ZNF330: variants seen among roughly 807,000 people sequenced by gnomAD.
The protein encoded by ZNF330 is zinc finger protein 330.
In ZNF330, 31 loss-of-function variants were observed where a neutral mutation model predicts 45.5. That is an observed-to-expected ratio of 0.68 (90% CI 0.51 to 0.92). ZNF330 has a LOEUF of 0.92. Among genes scored for constraint, ZNF330 ranks in the 40% least tolerant of loss-of-function variants. ZNF330 has a pLI of 0.00. For missense variants in ZNF330, 356 were observed against 387.4 expected (o/e 0.92, Z 0.68); for synonymous variants, 138 against 123.2 (o/e 1.12, Z -0.79).
intron 1 of ZNF330, among the ~76,000 whole-genome samples, chr4:141,221,709 A>G (rs1456676423): frequency 1.3e-5 from 2 of 152,208 alleles, no homozygotes; most frequent in Non-Finnish European, 2.9e-5. Flanking sequence ...CTAAATGATG[A>G]AAATTAAACA....
intron 9 of ZNF330, 56 bp from the exon 10 acceptor site, chr4:141,233,658 TG>T: frequency 1.3e-6 from 2 of 1,507,986 alleles, no homozygotes; most frequent in South Asian, 1.4e-5. Context: ...TAGAGGAAGA[TG>T]AGAATGTAGA....
chr4:141,230,097 T>C, intron 6 of ZNF330, 69 bp from the exon 7 acceptor site: 1 of 1,097,710 alleles, frequency 9.1e-7, no homozygotes, highest in Non-Finnish European at 1.4e-6. Flanking sequence ...TTCTAAGCAG[T>C]ATTATAGATA....
At position 141,221,023 on chromosome 4, in the gene ZNF330, C is replaced by T. The variant is rs1162293975; in HGVS notation, c.-92C>T. 2 of 152,348 alleles carry T rather than the reference C, an allele frequency of 1.3e-5. No individual in the cohort carries two copies. The highest frequency in any genetic ancestry group is 2.4e-5 in the African/African-American group (1 of 41,470). 9.4% of individuals were successfully genotyped at this position (152,348 alleles called of 1,614,324 possible). On this transcript the variant is annotated 5_prime_UTR_variant, in exon 1 of 10. Transcript: ENST00000262990. ...GGATTTACTGCTGTCGCGGGTGGGCCTCACGCCATTCCCTGTCCCTCGGCC... is the reference window on the plus strand; with the variant it reads ...GGATTTACTGCTGTCGCGGGTGGGCTTCACGCCATTCCCTGTCCCTCGGCC...
chr4:141,222,492 G>A lies in ZNF330; in HGVS notation c.120+1G>A. On this transcript the variant is annotated splice_donor_variant, in intron 2 of 9. Transcript: ENST00000262990. LOFTEE classifies it high-confidence loss of function. ...TAAACATCCATGTAATGCCTCAATG[G>A]TATCAGCTTTTTTTGATATCAGTTG... 1 of 1,608,196 alleles carries A rather than the reference G, an allele frequency of 6.2e-7. No homozygotes were observed. Among genetic ancestry groups the A allele is most frequent in the Non-Finnish European group, 8.5e-7 (1 of 1,177,944 alleles).
At chr4:141,229,461 G>T in intron 5 of ZNF330, 110 bp from the exon 6 acceptor site, 1 of 1,390,132 alleles carries the variant, frequency 7.2e-7, no homozygotes, top group Non-Finnish European at 1.0e-6. Flanking sequence ...TACTATCATT[G>T]AGGGTTGATA....
chr4:141,231,381 CAA>C, intron 7 of ZNF330, 56 bp from the exon 8 acceptor site: 1 of 1,502,842 alleles, frequency 6.7e-7, no homozygotes, highest in Non-Finnish European at 9.0e-7. Context: ...TGATAAAAGA[CAA>C]AAGAAAATTC....
intron 7 of ZNF330, 40 bp from the exon 8 acceptor site, chr4:141,231,399 A>C (rs1026221631): frequency 2.6e-6 from 4 of 1,567,774 alleles, no homozygotes; most frequent in African/African-American, 1.4e-5. Flanking sequence ...AATTCTAAGA[A>C]CCAAATAACG....
intron 1 of ZNF330, among the ~76,000 whole-genome samples, chr4:141,221,707 T>C (rs757052266): frequency 9.2e-5 from 14 of 152,204 alleles, no homozygotes; most frequent in Non-Finnish European, 1.8e-4. Flanking sequence ...AACTAAATGA[T>C]GAAAATTAAA....
Position 141,233,931 on chromosome 4 carries a change from T to G in ZNF330, c.905T>G (p.Leu302Trp), listed in dbSNP as rs528389748. The G allele has an allele frequency of 6.2e-7, 1 of 1,613,758 alleles. No homozygotes were observed. Among genetic ancestry groups the G allele is most frequent in the Admixed American group, 1.7e-5 (1 of 59,998 alleles). Reference protein sequence around the residue: ...DTESSDLFTNLNLGRTYASGY... With the variant: ...DTESSDLFTNWNLGRTYASGY... ...GAGTCATCAGATTTGTTTACTAATTTGAATTTAGGAAGGACCTATGCTAGT... is the reference window on the plus strand; with the variant it reads ...GAGTCATCAGATTTGTTTACTAATTGGAATTTAGGAAGGACCTATGCTAGT... The change falls in exon 10 of 10, where the codon TTG becomes TGG. Residue 302 changes from leucine to tryptophan, a missense_variant. Transcript: ENST00000262990.
intron 5 of ZNF330, 37 bp downstream of exon 5, chr4:141,226,883 C>A: frequency 6.6e-7 from 1 of 1,510,376 alleles, no homozygotes; most frequent in South Asian, 1.2e-5. Flanking sequence ...AGTACGTTTT[C>A]AAGGATAAGA....
chr4:141,226,560 G>A (rs1728809104), intron 4 of ZNF330, among the ~76,000 whole-genome samples: 1 of 152,086 alleles, frequency 6.6e-6, no homozygotes, highest in Non-Finnish European at 1.5e-5. Context: ...ATTAGTAAAT[G>A]TATAATCTGA....
In ZNF330 at chr4:141,224,516, A is replaced by G. The variant is rs1254433450; in HGVS notation, c.140+10A>G. On this transcript the variant is annotated intron_variant, in intron 3 of 9. Transcript: ENST00000262990. ...GTGACAAGTGTCAGAGGTAAATTTT[A>G]TTTCTTTTTCTATCTACCTTTAATA... The G allele has an allele frequency of 6.2e-7, 1 of 1,606,444 alleles. No individual in the cohort carries two copies.
At chr4:141,233,487 G>A (rs1039864540) in intron 9 of ZNF330, among the ~76,000 whole-genome samples, 1 of 152,106 alleles carries the variant, frequency 6.6e-6, no homozygotes, top group African/African-American at 2.4e-5. Context: ...AATACCTTTG[G>A]AGTGGTCTGT....
intron 6 of ZNF330, 121 bp downstream of exon 6, chr4:141,229,818 T>G: frequency 7.8e-7 from 1 of 1,283,124 alleles, no homozygotes; most frequent in Non-Finnish European, 1.1e-6. Flanking sequence ...TGGTACTGTT[T>G]TGATTATCAG....
In ZNF330 at chr4:141,234,022, G is replaced by A. The variant is rs1286948254; in HGVS notation, c.*33G>A. 5.7e-6 allele frequency: 9 copies of A among 1,585,228 alleles called. No homozygotes were observed. The highest frequency in any genetic ancestry group is 1.7e-4 in the Middle Eastern group (1 of 5,852). On this transcript the variant is annotated 3_prime_UTR_variant, in exon 10 of 10. Coordinates refer to ENST00000262990, the MANE Select transcript of ZNF330 (RefSeq NM_014487.6). ...GCTCTGGTGGCCGTGTGTGAGAGGA[G>A]CAGGAGTGAGTGTGTGTGCTTGATG...
chr4:141,225,326 A>G (rs1728778375), intron 4 of ZNF330, among the ~76,000 whole-genome samples: 1 of 152,072 alleles, frequency 6.6e-6, no homozygotes, highest in Non-Finnish European at 1.5e-5. Flanking sequence ...TGAAATATTA[A>G]TGGATATTTC....
At chr4:141,230,075 A>G in intron 6 of ZNF330, 91 bp from the exon 7 acceptor site, 1 of 913,270 alleles carries the variant, frequency 1.1e-6, no homozygotes, top group Non-Finnish European at 1.7e-6. Context: ...CTCCAAAGTA[A>G]CTTACCATCT....
chr4:141,229,740 T>G (rs62327566), intron 6 of ZNF330, 43 bp downstream of exon 6: 443,982 of 1,607,818 alleles, frequency 0.28, 69,572 homozygotes, highest in East Asian at 0.61. Context: ...TATAGGTGAA[T>G]GTTGACTTTG....
At chr4:141,223,976 G>A (rs529730936) in intron 2 of ZNF330, 87 of 308,614 alleles carry the variant, frequency 2.8e-4, no homozygotes, top group African/African-American at 1.8e-3. Flanking sequence ...AGGCCAAGAA[G>A]GTTTGGAAAG....
Sources: allele counts gnomAD v4.1 joint callset (sites outside exome capture counted in the v4.1 genomes callset), GRCh38; gene constraint gnomAD v4.1.1; transcripts MANE v1.5; gene names NCBI Gene and HGNC (gene_info 2026-07-23, HGNC 2026-07-21).